Variants in EPHA5 observed in about 807,000 individuals in gnomAD.
The protein encoded by EPHA5 is ephrin type-A receptor 5.
EPHA5 carries 60 observed loss-of-function variants against 105.0 expected under a neutral mutation model. That is an observed-to-expected ratio of 0.57 (90% CI 0.46 to 0.71). The LOEUF is 0.71. EPHA5 is among the 30% of genes least tolerant of loss of function. The probability of loss-of-function intolerance (pLI) is 0.00; values close to 1 mark genes in which losing one functional copy is unlikely to be tolerated. For missense variants in EPHA5, 1,218 were observed against 1,274.7 expected (o/e 0.96, Z 0.68); for synonymous variants, 513 against 449.1 (o/e 1.14, Z -1.80).
At chr4:65,432,733 A>G (rs770459840) in intron 5 of EPHA5, among the ~76,000 whole-genome samples, 28 of 151,942 alleles carry the variant, frequency 1.8e-4, no homozygotes, top group Non-Finnish European at 4.1e-4. Context: ...ACACCCAGCT[A>G]GTTTATTTAT....
chr4:65,502,155 G>A (rs1376922540), intron 3 of EPHA5, among the ~76,000 whole-genome samples: 2 of 151,386 alleles, frequency 1.3e-5, no homozygotes. Flanking sequence ...AATCCTAGAA[G>A]AAAACATTAG....
intron 2 of EPHA5, among the ~76,000 whole-genome samples, chr4:65,608,247 T>TA (rs1256394832): frequency 4.6e-5 from 7 of 152,118 alleles, no homozygotes; most frequent in Admixed American, 4.6e-4. Context: ...CTGGCGCCTG[T>TA]AATCCCAGCA....
intron 3 of EPHA5, among the ~76,000 whole-genome samples, chr4:65,548,629 T>C (rs557577709): frequency 6.6e-6 from 1 of 152,270 alleles, no homozygotes; most frequent in African/African-American, 2.4e-5. Flanking sequence ...AAATGTTCCA[T>C]GTTTCTGCAT....
At chr4:65,377,025 C>T (rs2148919952) in intron 8 of EPHA5, 2 of 1,609,100 alleles carry the variant, frequency 1.2e-6, no homozygotes, top group Non-Finnish European at 8.5e-7. Flanking sequence ...GGCAACAGCG[C>T]ACAGGGAAGA....
At chr4:65,467,336 T>C (rs1261119452) in intron 5 of EPHA5, among the ~76,000 whole-genome samples, 2 of 152,162 alleles carry the variant, frequency 1.3e-5, no homozygotes, top group Non-Finnish European at 2.9e-5. Flanking sequence ...GCCCCAATTC[T>C]CCACCCCTGT....
chr4:65,574,842 A>G (rs1740731761), intron 3 of EPHA5, among the ~76,000 whole-genome samples: 1 of 150,048 alleles, frequency 6.7e-6, no homozygotes, highest in Non-Finnish European at 1.5e-5. Context: ...TCACTAATAA[A>G]CTTTTCTTAT....
chr4:65,480,753 C>G (rs1395455609), intron 5 of EPHA5, among the ~76,000 whole-genome samples: 4 of 152,124 alleles, frequency 2.6e-5, no homozygotes, highest in Non-Finnish European at 4.4e-5. Flanking sequence ...AATTTATATT[C>G]TAATGTTTGA....
chr4:65,644,180 C>A (rs1330908187), intron 1 of EPHA5, among the ~76,000 whole-genome samples: 1 of 150,772 alleles, frequency 6.6e-6, no homozygotes, highest in Non-Finnish European at 1.5e-5. Flanking sequence ...ACCGTCATTA[C>A]AAAAGGAAGC....
intron 1 of EPHA5, among the ~76,000 whole-genome samples, chr4:65,663,005 A>G (rs996335843): frequency 1.3e-5 from 2 of 152,144 alleles, no homozygotes; most frequent in African/African-American, 4.8e-5. Context: ...CTTTTGTTTG[A>G]CAAAGTTTTG....
intron 3 of EPHA5, among the ~76,000 whole-genome samples, chr4:65,565,252 C>T (rs1205615115): frequency 6.6e-6 from 1 of 151,592 alleles, no homozygotes; most frequent in Non-Finnish European, 1.5e-5. Context: ...GTTAATAGAC[C>T]TTTAGCAGAC....
rs1426780813 is a variant in EPHA5, at chr4:65,458,996, C to T, written c.1402+31381G>A. Among the ~76,000 whole-genome samples the T allele has an allele frequency of 4.6e-5, 7 of 151,952 alleles. No homozygotes were observed. In the East Asian group the frequency reaches 9.6e-4, roughly 21 times the overall value. On this transcript the variant is annotated intron_variant, in intron 5 of 16. Coordinates refer to ENST00000613740, the MANE Select transcript of EPHA5 (RefSeq NM_001281766.3). The stretch of plus-strand genomic sequence containing the variant: ...CAGTGATGATGCATGTGAATTTTCA[C>T]ACCTGTTATTTTTTGAGAGTAAGAA...
intron 3 of EPHA5, among the ~76,000 whole-genome samples, chr4:65,577,828 T>G (rs191469562): frequency 1.1e-4 from 16 of 152,192 alleles, no homozygotes; most frequent in African/African-American, 3.4e-4. Flanking sequence ...GTACTTAGCA[T>G]CAAAACTAAG....
At chr4:65,341,908 C>T (rs1444026506) in intron 14 of EPHA5, among the ~76,000 whole-genome samples, 2 of 151,994 alleles carry the variant, frequency 1.3e-5, no homozygotes. Context: ...TGGAAGCAAA[C>T]CCAGATGACA....
intron 3 of EPHA5, among the ~76,000 whole-genome samples, chr4:65,587,813 G>C (rs1742268917): frequency 6.6e-6 from 1 of 151,916 alleles, no homozygotes; most frequent in Admixed American, 6.6e-5. Flanking sequence ...CTTTTCCTCA[G>C]TCTGAGGTCT....
intron 5 of EPHA5, 140 bp downstream of exon 5, chr4:65,490,237 T>C: frequency 1.5e-6 from 1 of 672,266 alleles, no homozygotes; most frequent in Non-Finnish European, 2.4e-6. Flanking sequence ...AAAGCGTTTT[T>C]GATGTGTTAT....
intron 5 of EPHA5, among the ~76,000 whole-genome samples, chr4:65,470,248 A>C (rs1184336714): frequency 6.7e-6 from 1 of 149,958 alleles, no homozygotes; most frequent in Non-Finnish European, 1.5e-5. Flanking sequence ...GCTGGAGTGC[A>C]GTGGCATGAT....
chr4:65,659,903 A>G (rs1749412122), intron 1 of EPHA5, among the ~76,000 whole-genome samples: 1 of 152,140 alleles, frequency 6.6e-6, no homozygotes, highest in African/African-American at 2.4e-5. Context: ...ATAATAGAAC[A>G]GATGAGACAT....
chr4:65,476,115 A>T (rs1220730382), intron 5 of EPHA5, among the ~76,000 whole-genome samples: 13 of 118,094 alleles, frequency 1.1e-4, no homozygotes, highest in African/African-American at 3.0e-4. Context: ...AGAGAGAGAG[A>T]GAGAGAGAGA....
chr4:65,605,696 A>C (rs1744161668), intron 2 of EPHA5, among the ~76,000 whole-genome samples: 1 of 152,110 alleles, frequency 6.6e-6, no homozygotes, highest in Non-Finnish European at 1.5e-5. Context: ...AACAGTAAGA[A>C]ACTTTGGAGT....
Sources: gnomAD v4.1 joint callset for allele counts (sites outside exome capture counted in the v4.1 genomes callset) on GRCh38, gnomAD v4.1.1 for gene constraint, MANE v1.5 for transcripts, NCBI Gene and HGNC (gene_info 2026-07-23, HGNC 2026-07-21) for gene names.